The following MYL9 variants were observed in gnomAD, a reference collection of about 807,000 sequenced individuals.
MYL9 encodes the protein myosin regulatory light polypeptide 9.
A neutral mutation model predicts 12.8 loss-of-function variants in MYL9; 7 were observed. That is an observed-to-expected ratio of 0.55 (90% CI 0.31 to 1.03). The LOEUF (loss-of-function observed/expected upper bound fraction) is 1.03, where lower values mean the gene tolerates loss of function less well. Ranked by LOEUF, MYL9 falls within the 50% of genes least tolerant of loss-of-function variation. MYL9 has a pLI of 0.05. For synonymous variants in MYL9, 81 were observed against 87.8 expected, an observed-to-expected ratio of 0.92 and a Z score of 0.43; for missense variants, 190 against 242.7, an observed-to-expected ratio of 0.78 and a Z score of 1.44.
In MYL9 at chr20:36,545,018, G is replaced by A. The variant is rs201816112; in HGVS notation, c.134G>A (p.Arg45His). 1.7e-5 allele frequency: 28 copies of A among 1,614,170 alleles called. No homozygotes were observed. The highest frequency in any genetic ancestry group is 1.6e-4 in the Middle Eastern group (1 of 6,062). Residue 45 changes from arginine to histidine, a missense_variant, in exon 2 of 4, where the codon CGT (arginine) becomes CAT (histidine). Physicochemically the swap from Arg to His is conservative, Grantham distance 29. Transcript: ENST00000279022. Reference protein sequence around the residue: ...KEAFNMIDQNRDGFIDKEDLH... With the variant: ...KEAFNMIDQNHDGFIDKEDLH... ...GCTTTCAACATGATTGACCAGAACC[G>A]TGATGGCTTCATTGACAAGGAGGAC...
chr20:36,548,465 C>T (rs887127974), intron 3 of MYL9, among the ~76,000 whole-genome samples: 3 of 152,226 alleles, frequency 2.0e-5, no homozygotes, highest in Admixed American at 1.3e-4. Flanking sequence ...CCATTTCATG[C>T]CTTTCTTGCC....
At chr20:36,548,237 G>A in intron 3 of MYL9, 44 bp downstream of exon 3, 1 of 1,558,232 alleles carries the variant, frequency 6.4e-7, no homozygotes, top group Non-Finnish European at 8.7e-7. Flanking sequence ...AAGTGGAACA[G>A]GGCCCAGGCA....
chr20:36,543,288 G>C (rs755794395), intron 1 of MYL9, among the ~76,000 whole-genome samples: 4 of 152,232 alleles, frequency 2.6e-5, no homozygotes, highest in Non-Finnish European at 5.9e-5. Flanking sequence ...GGACCAGCTG[G>C]GGCTGGCCGG....
intron 2 of MYL9, 60 bp from the exon 3 acceptor site, chr20:36,547,972 T>C (rs908911811): frequency 1.4e-5 from 21 of 1,518,488 alleles, no homozygotes; most frequent in Non-Finnish European, 1.9e-5. Flanking sequence ...GGGGTGCAAG[T>C]TGTCCCAGCT....
Position 36,549,189 on chromosome 20 carries a change from C to T in MYL9, c.459C>T (p.Asn153=). 3 of 1,614,038 alleles carry T rather than the reference C, an allele frequency of 1.9e-6. No homozygotes were observed. The highest frequency in any genetic ancestry group is 1.7e-6 in the Non-Finnish European group (2 of 1,179,998). ...YREAPIDKKG[N]FNYVEFTRIL... is the part of the protein sequence containing the mutation. ...AGGCACCCATTGATAAGAAAGGCAA[C>T]TTCAACTACGTGGAGTTCACCCGCA... Residue 153 remains asparagine, a synonymous_variant, in exon 4 of 4, where the codon AAC becomes AAT. Coordinates refer to ENST00000279022, the MANE Select transcript of MYL9 (RefSeq NM_006097.5).
intron 3 of MYL9, 101 bp from the exon 4 acceptor site, chr20:36,548,976 C>A: frequency 8.4e-7 from 1 of 1,194,872 alleles, no homozygotes; most frequent in Non-Finnish European, 1.2e-6. Context: ...TCTTCCCAGC[C>A]CCTCTAGGTC....
chr20:36,546,613 G>C (rs1600747524), intron 2 of MYL9, among the ~76,000 whole-genome samples: 1 of 151,722 alleles, frequency 6.6e-6, no homozygotes, highest in South Asian at 2.1e-4. Flanking sequence ...TAAACTCCAG[G>C]GTTCTTTTTT....
chr20:36,546,594 G>A (rs2038103192), intron 2 of MYL9, among the ~76,000 whole-genome samples: 1 of 152,000 alleles, frequency 6.6e-6, no homozygotes, highest in Admixed American at 6.6e-5. Context: ...GAGGTCACCT[G>A]GCAGGAAGTA....
In MYL9 at chr20:36,548,142, C is replaced by G. The variant is rs1244218494; in HGVS notation, c.295C>G (p.Pro99Ala). 5.0e-6 allele frequency: 8 copies of G among 1,613,832 alleles called. No individual in the cohort carries two copies. Among genetic ancestry groups the G allele is most frequent in the Non-Finnish European group, 6.8e-6 (8 of 1,179,882 alleles). ...TGGGGAGAAGCTGAACGGCACGGACCCCGAGGATGTGATTCGCAACGCCTT... is the reference window on the plus strand; with the variant it reads ...TGGGGAGAAGCTGAACGGCACGGACGCCGAGGATGTGATTCGCAACGCCTT... ...MFGEKLNGTDPEDVIRNAFAC... is the reference protein window; with the variant it reads ...MFGEKLNGTDAEDVIRNAFAC... Residue 99 changes from proline (P) to alanine (A), a missense_variant, in exon 3 of 4, where the codon CCC becomes GCC. Transcript: ENST00000279022.
intron 3 of MYL9, among the ~76,000 whole-genome samples, chr20:36,548,717 T>C (rs2147899244): frequency 6.6e-6 from 1 of 152,244 alleles, no homozygotes; most frequent in Admixed American, 6.5e-5. Context: ...CTAGGGAGAA[T>C]GGGAATCAGC....
chr20:36,548,851 C>A (rs141711105), intron 3 of MYL9, among the ~76,000 whole-genome samples: 1 of 152,266 alleles, frequency 6.6e-6, no homozygotes, highest in East Asian at 1.9e-4. Flanking sequence ...TGCACAACTC[C>A]TCCCCTCAGG....
chr20:36,547,474 T>C (rs887540187), intron 2 of MYL9, among the ~76,000 whole-genome samples: 1 of 152,184 alleles, frequency 6.6e-6, no homozygotes, highest in Non-Finnish European at 1.5e-5. Context: ...GCAACTACTG[T>C]CTTCACAATT....
At chr20:36,548,352 G>A (rs115236138) in intron 3 of MYL9, among the ~76,000 whole-genome samples, 159 bp downstream of exon 3, 2,672 of 152,246 alleles carry the variant, frequency 0.018, 92 homozygotes, top group African/African-American at 0.061. Context: ...CGCCGCAAAG[G>A]CTAGGCCAGA....
rs371462385 is a variant in MYL9 at position 36,550,185 on chromosome 20, G to C, written c.*936G>C. ...ACACAGCCCTCAGGACTAAAGCTCCGGGTTCCAGAAGAACAGGGAGGCTCC... is the reference window on the plus strand; with the variant it reads ...ACACAGCCCTCAGGACTAAAGCTCCCGGTTCCAGAAGAACAGGGAGGCTCC... On this transcript the variant is annotated 3_prime_UTR_variant, in exon 4 of 4. Transcript: ENST00000279022. The C allele has an allele frequency of 6.6e-6, 1 of 152,348 alleles. No individual in the cohort carries two copies. Among genetic ancestry groups the C allele is most frequent in the African/African-American group, 2.4e-5 (1 of 41,410 alleles). 9.4% of individuals were successfully genotyped at this position (152,348 alleles called of 1,614,324 possible). A position where few individuals can be genotyped will look rare whatever the true frequency, so the allele number is the denominator to read the frequency against.
chr20:36,543,051 G>A (rs935581380), intron 1 of MYL9, among the ~76,000 whole-genome samples: 1 of 152,238 alleles, frequency 6.6e-6, no homozygotes, highest in African/African-American at 2.4e-5. Flanking sequence ...GGCACCAGGA[G>A]TCAAAGTTCC....
chr20:36,544,740 C>T (rs2038074493), intron 1 of MYL9, 119 bp from the exon 2 acceptor site: 2 of 767,788 alleles, frequency 2.6e-6, no homozygotes, highest in Non-Finnish European at 4.1e-6. Flanking sequence ...TGGTGGGAGC[C>T]CCAAATCCGT....
chr20:36,545,313 C>A (rs376753955), intron 2 of MYL9, among the ~76,000 whole-genome samples: 29 of 147,854 alleles, frequency 2.0e-4, no homozygotes, highest in East Asian at 1.2e-3. Context: ...CTGGCTAACA[C>A]GGTGAAACCC....
At chr20:36,542,675 G>A (rs1174582172) in intron 1 of MYL9, among the ~76,000 whole-genome samples, 1 of 152,136 alleles carries the variant, frequency 6.6e-6, no homozygotes, top group African/African-American at 2.4e-5. Flanking sequence ...CCCAAACCTA[G>A]CCCAGGAATC....
intron 2 of MYL9, among the ~76,000 whole-genome samples, chr20:36,545,924 CAGAA>C (rs1324336643): frequency 6.6e-6 from 1 of 152,122 alleles, no homozygotes; most frequent in Non-Finnish European, 1.5e-5. Flanking sequence ...CGTCTCAAAA[CAGAA>C]AGAAAGGAAA....
Sources: allele counts gnomAD v4.1 joint callset (sites outside exome capture counted in the v4.1 genomes callset), GRCh38; gene constraint gnomAD v4.1.1; transcripts MANE v1.5; gene names NCBI Gene and HGNC (gene_info 2026-07-23, HGNC 2026-07-21).